IL1RAPL2: variants seen among roughly 807,000 people sequenced by gnomAD.
IL1RAPL2 encodes the protein interleukin 1 receptor accessory protein like 2.
In IL1RAPL2, 3 loss-of-function variants were observed where a neutral mutation model predicts 44.1. The observed-to-expected ratio is 0.07, with a 90% CI of 0.03 to 0.18. The LOEUF (loss-of-function observed/expected upper bound fraction) is 0.18. IL1RAPL2 is among the 10% of genes least tolerant of loss of function. The pLI is 1.00. For synonymous variants in IL1RAPL2, 181 were observed against 178.8 expected (o/e 1.01, Z -0.10); for missense variants, 391 against 496.4 (o/e 0.79, Z 2.02).
At chrX:104,881,616 G>C (rs1429127405) in intron 2 of IL1RAPL2, among the ~76,000 whole-genome samples, 1 of 112,125 alleles carries the variant, frequency 8.9e-6, no homozygotes, top group Non-Finnish European at 1.9e-5. Context: ...AATAGACGCT[G>C]GGAAAAGTGC....
intron 5 of IL1RAPL2, among the ~76,000 whole-genome samples, chrX:105,342,013 C>G (rs766492409): frequency 9.2e-6 from 1 of 109,203 alleles, no homozygotes; most frequent in Non-Finnish European, 1.9e-5. Flanking sequence ...TTTGCAGGGA[C>G]ATGGATGAAG....
intron 1 of IL1RAPL2, among the ~76,000 whole-genome samples, chrX:104,644,197 G>T (rs1929990679): frequency 9.0e-6 from 1 of 111,537 alleles, no homozygotes; most frequent in African/African-American, 3.3e-5. Context: ...TGCAAATAAA[G>T]AATATTAGAT....
chrX:104,702,998 G>A (rs1258869140), intron 2 of IL1RAPL2, among the ~76,000 whole-genome samples: 1 of 111,296 alleles, frequency 9.0e-6, no homozygotes, highest in Non-Finnish European at 1.9e-5. Context: ...TAATAGAGAA[G>A]CATATGGACA....
intron 6 of IL1RAPL2, among the ~76,000 whole-genome samples, chrX:105,555,044 G>A (rs1444382930): frequency 1.8e-5 from 2 of 109,364 alleles, no homozygotes; most frequent in African/African-American, 6.6e-5. Flanking sequence ...TAAAGCTTTG[G>A]GGATTGCTCA....
intron 2 of IL1RAPL2, among the ~76,000 whole-genome samples, chrX:105,018,657 A>T (rs2031228910): frequency 9.0e-6 from 1 of 111,549 alleles, no homozygotes; most frequent in Non-Finnish European, 1.9e-5. Flanking sequence ...ACCAGGGATA[A>T]CAACAACGAT....
At chrX:105,741,419 A>T (rs1225799931) in intron 8 of IL1RAPL2, among the ~76,000 whole-genome samples, 1 of 111,957 alleles carries the variant, frequency 8.9e-6, no homozygotes, top group Non-Finnish European at 1.9e-5. Flanking sequence ...TACTTTTTGT[A>T]TATGTACATC....
chrX:105,174,754 G>A (rs2033456621), intron 2 of IL1RAPL2, among the ~76,000 whole-genome samples: 1 of 111,509 alleles, frequency 9.0e-6, no homozygotes, highest in Non-Finnish European at 1.9e-5. Context: ...CCCTCACCCT[G>A]TACGCTCTGG....
chrX:105,005,019 A>G (rs2147738050), intron 2 of IL1RAPL2, among the ~76,000 whole-genome samples: 1 of 109,377 alleles, frequency 9.1e-6, no homozygotes, highest in South Asian at 3.9e-4. Context: ...CGTATGTTCT[A>G]TGCTCATGCC....
At chrX:104,636,413 T>G (rs1489130502) in intron 1 of IL1RAPL2, among the ~76,000 whole-genome samples, 2 of 112,238 alleles carry the variant, frequency 1.8e-5, no homozygotes, top group Non-Finnish European at 3.8e-5. Flanking sequence ...TCTGCTGCAT[T>G]TTGTTTTGCA....
chrX:105,291,082 A>T lies in IL1RAPL2; in HGVS notation c.697+23541A>T, dbSNP rs764440072. Among the ~76,000 whole-genome samples the T allele has an allele frequency of 9.9e-5, 11 of 111,438 alleles. No individual in the cohort carries two copies. In the South Asian group the frequency reaches 3.8e-3, roughly 38 times the overall value. ...TCAAAACCATTTCAAAATGTAATAA[A>T]TTATTACATTTTGTGCTGAATTGCT... On this transcript the variant is annotated intron_variant, in intron 5 of 10. Coordinates refer to ENST00000372582, the MANE Select transcript of IL1RAPL2 (RefSeq NM_017416.2).
At chrX:105,503,260 C>A (rs1264683538) in intron 6 of IL1RAPL2, among the ~76,000 whole-genome samples, 1 of 111,138 alleles carries the variant, frequency 9.0e-6, no homozygotes, top group Middle Eastern at 4.2e-3. Context: ...CTCTTAAATC[C>A]AGGATTAGCA....
At chrX:105,053,083 C>T (rs1418316644) in intron 2 of IL1RAPL2, among the ~76,000 whole-genome samples, 3 of 110,404 alleles carry the variant, frequency 2.7e-5, no homozygotes, top group African/African-American at 9.9e-5. Flanking sequence ...AGCTGCAGAC[C>T]GGAGCTGTTT....
At chrX:104,801,907 A>AT (rs951799235) in intron 2 of IL1RAPL2, among the ~76,000 whole-genome samples, 1 of 111,579 alleles carries the variant, frequency 9.0e-6, no homozygotes, top group South Asian at 3.8e-4. Context: ...TACAACAAAT[A>AT]TTTTTTCTCA....
chrX:105,437,490 A>T (rs1289208934), intron 5 of IL1RAPL2, among the ~76,000 whole-genome samples: 1 of 111,445 alleles, frequency 9.0e-6, no homozygotes, highest in African/African-American at 3.3e-5. Flanking sequence ...ATCTATATTG[A>T]TTTTTATTTT....
chrX:104,798,696 C>T (rs1176575177), intron 2 of IL1RAPL2, among the ~76,000 whole-genome samples: 8 of 110,177 alleles, frequency 7.3e-5, no homozygotes, highest in Admixed American at 2.9e-4. Context: ...ATTTTTTTGC[C>T]CACTTACTAA....
At chrX:105,074,217 T>C (rs2032253986) in intron 2 of IL1RAPL2, among the ~76,000 whole-genome samples, 1 of 112,029 alleles carries the variant, frequency 8.9e-6, no homozygotes, top group Non-Finnish European at 1.9e-5. Flanking sequence ...TTAATTTTTG[T>C]ATAAGGTGTA....
At chrX:105,093,069 G>A (rs1468471833) in intron 2 of IL1RAPL2, among the ~76,000 whole-genome samples, 1 of 110,343 alleles carries the variant, frequency 9.1e-6, no homozygotes, top group Non-Finnish European at 1.9e-5. Context: ...ACTTGGAAAA[G>A]TGCAAAGTGG....
At chrX:105,658,751 G>A (rs1205932795) in intron 6 of IL1RAPL2, among the ~76,000 whole-genome samples, 11 of 107,274 alleles carry the variant, frequency 1.0e-4, no homozygotes, top group Non-Finnish European at 1.7e-4. Flanking sequence ...TCAGGAGTTC[G>A]AGACCAGCCT....
At chrX:105,514,615 A>G in intron 6 of IL1RAPL2, among the ~76,000 whole-genome samples, 1 of 112,546 alleles carries the variant, frequency 8.9e-6, no homozygotes, top group South Asian at 3.6e-4. Flanking sequence ...AGTGTAGCTA[A>G]GATATATGAG....
Sources: gnomAD v4.1 joint callset for allele counts (sites outside exome capture counted in the v4.1 genomes callset) on GRCh38, gnomAD v4.1.1 for gene constraint, MANE v1.5 for transcripts, NCBI Gene and HGNC (gene_info 2026-07-23, HGNC 2026-07-21) for gene names.